The following GRAMD1A variants were observed in gnomAD, a reference collection of about 807,000 sequenced individuals.
GRAMD1A encodes the protein GRAM domain containing 1A, also known as protein Aster-A.
In GRAMD1A, 50 loss-of-function variants were observed where a neutral mutation model predicts 92.0. That is an observed-to-expected ratio of 0.54 (90% CI 0.43 to 0.69). GRAMD1A has a LOEUF of 0.69. Among genes scored for constraint, GRAMD1A ranks in the 30% least tolerant of loss-of-function variants. GRAMD1A has a pLI of 0.00. For synonymous variants in GRAMD1A, 405 were observed against 403.6 expected, an observed-to-expected ratio of 1.00 and a Z score of -0.04; for missense variants, 819 against 978.9, an observed-to-expected ratio of 0.84 and a Z score of 2.18.
chr19:35,015,926 C>T lies in GRAMD1A; in HGVS notation c.1172C>T (p.Ser391Leu), dbSNP rs768529688. Residue 391 changes from serine (S) to leucine (L), a missense_variant, in exon 11 of 20, where the codon TCG (serine) becomes TTG (leucine). Transcript: ENST00000317991. ...CTCCAGCAGATGCTCTTCTCGGACT[C>T]GCCCTTCCTCCAGGGCTTCCTACAG... is the stretch of plus-strand genomic sequence containing the variant. ...ERLQQMLFSDSPFLQGFLQQC... is the reference protein window; with the variant it reads ...ERLQQMLFSDLPFLQGFLQQC... 38 of 1,613,990 alleles carry T rather than the reference C, an allele frequency of 2.4e-5. No homozygotes were observed. Among genetic ancestry groups the T allele is most frequent in the African/African-American group, 5.3e-5 (4 of 74,932 alleles).
chr19:35,002,220 C>T (rs1355794580), intron 1 of GRAMD1A, among the ~76,000 whole-genome samples: 2 of 151,986 alleles, frequency 1.3e-5, no homozygotes, highest in Admixed American at 6.6e-5. Flanking sequence ...TGACGTTGTC[C>T]ACCTGTTACA....
intron 10 of GRAMD1A, chr19:35,014,693 A>G (rs2015498376): frequency 2.3e-6 from 1 of 430,862 alleles, no homozygotes. Context: ...AAATGGGGTT[A>G]ACAATGATAA....
chr19:35,009,540 T>C, intron 3 of GRAMD1A, 97 bp downstream of exon 3: 1 of 1,265,124 alleles, frequency 7.9e-7, no homozygotes. Context: ...CGTGCTGAGA[T>C]GGAGTGGGTG....
upstream of GRAMD1A, chr19:34,995,937 G>C: frequency 8.5e-7 from 1 of 1,182,000 alleles, no homozygotes; most frequent in East Asian, 2.6e-5. Flanking sequence ...ACGGGGGAAG[G>C]TGGTAAGGGG....
In GRAMD1A at chr19:35,000,632, G is replaced by C; in HGVS notation, c.8+146G>C. ...ACATGGCTCTGGCCGGGGCGATCGG[G>C]GTGGGGGCGGGGCAGGGGGCCCCCG... On this transcript the variant is annotated intron_variant, in intron 1 of 19. Transcript: ENST00000317991. The surrounding 1 kb of genome is among the most constrained non-coding windows in gnomAD (Gnocchi z 4.9). The C allele has an allele frequency of 2.0e-6, 1 of 500,770 alleles. No individual in the cohort carries two copies. Among genetic ancestry groups the C allele is most frequent in the Non-Finnish European group, 3.0e-6 (1 of 336,334 alleles). The allele number at this position is 500,770 out of a possible 1,614,324, so 31.0% of individuals were successfully genotyped here.
Position 35,023,481 on chromosome 19 carries a change from A to C in GRAMD1A, c.2016A>C (p.Gln672His), listed in dbSNP as rs765868120. The change falls in exon 19 of 20, where the codon CAA becomes CAC. Residue 672 changes from glutamine to histidine, a missense_variant. By Grantham distance (24) the Gln-to-His change is conservative. Coordinates refer to ENST00000317991, the MANE Select transcript of GRAMD1A (RefSeq NM_020895.5). ...CCGAGATCCTGGCGCTGCAGAAGCA[A>C]TTCCACAGCGTGGAGGTGCACAAGT... ...EWAEILALQK[Q>H]FHSVEVHKWR... is the part of the protein sequence containing the mutation. 14 of 1,587,870 alleles carry C rather than the reference A, an allele frequency of 8.8e-6. No homozygotes were observed. In the South Asian group the frequency reaches 1.6e-4, roughly 18 times the overall value.
Position 35,009,602 on chromosome 19 carries a change from G to A in GRAMD1A, c.240+159G>A, listed in dbSNP as rs966700453. ...TTATTTATGTGCTGTGTGACCTTGG[G>A]TGAGTTACTTAACCTCTCTGGGCCT... On this transcript the variant is annotated intron_variant, in intron 3 of 19. Coordinates refer to ENST00000317991, the MANE Select transcript of GRAMD1A (RefSeq NM_020895.5). 12 of 787,414 alleles carry A rather than the reference G, an allele frequency of 1.5e-5. No individual in the cohort carries two copies. In the Admixed American group the frequency reaches 2.0e-4, roughly 13 times the overall value. 48.8% of individuals were successfully genotyped at this position (787,414 alleles called of 1,614,324 possible).
intron 9 of GRAMD1A, 126 bp from the exon 10 acceptor site, chr19:35,014,061 CGT>C (rs1163842404): frequency 1.2e-6 from 1 of 863,680 alleles, no homozygotes; most frequent in Non-Finnish European, 1.9e-6. Context: ...GCAGCTCAGC[CGT>C]GAGCCCTCGG....
chr19:35,006,278 T>G (rs2014807691), intron 1 of GRAMD1A, among the ~76,000 whole-genome samples: 1 of 152,096 alleles, frequency 6.6e-6, no homozygotes, highest in Non-Finnish European at 1.5e-5. Context: ...GCTGAGATAG[T>G]GCCACTGCAC....
chr19:35,020,342 C>T (rs1207097039), intron 13 of GRAMD1A, among the ~76,000 whole-genome samples: 1 of 152,146 alleles, frequency 6.6e-6, no homozygotes, highest in Non-Finnish European at 1.5e-5. Context: ...GGTTCGAGAC[C>T]AGCCTGGCCA....
At chr19:35,025,955 C>A in intron 19 of GRAMD1A, 94 bp from the exon 20 acceptor site, 2 of 749,296 alleles carry the variant, frequency 2.7e-6, no homozygotes, top group Admixed American at 1.8e-5. Context: ...GCCTCTAGAC[C>A]GTCCTCAGTT....
Position 35,014,196 on chromosome 19 carries a change from A to G in GRAMD1A, c.878A>G (p.Glu293Gly). The G allele has an allele frequency of 6.2e-7, 1 of 1,613,190 alleles. No individual in the cohort carries two copies. Among genetic ancestry groups the G allele is most frequent in the South Asian group, 1.1e-5 (1 of 91,044 alleles). Residue 293 changes from glutamate to glycine, a missense_variant, in exon 10 of 20, where the codon GAG (glutamate) becomes GGG (glycine). Physicochemically the swap from Glu to Gly is moderately conservative, Grantham distance 98. This residue lies in a region of GRAMD1A where 577 missense variants were observed against 674.6 expected (regional missense o/e 0.86). Transcript: ENST00000317991. ...TCGGGCCTTTCTCCACAGGCAGAGGAGGACAAGGAGGAGCAGGTAGACAGC... is the reference window on the plus strand; with the variant it reads ...TCGGGCCTTTCTCCACAGGCAGAGGGGGACAAGGAGGAGCAGGTAGACAGC... ...ASSDADHGAE[E>G]DKEEQVDSQP...
At chr19:34,994,766 C>T (rs1035733669), upstream of GRAMD1A, 4 of 152,300 alleles carry the variant, frequency 2.6e-5, no homozygotes, top group Admixed American at 2.0e-4. Flanking sequence ...AGTGCCTGGT[C>T]TACCGCCCTT....
chr19:35,019,155 G>T, intron 11 of GRAMD1A, 36 bp from the exon 12 acceptor site: 2 of 1,389,176 alleles, frequency 1.4e-6, no homozygotes, highest in Non-Finnish European at 2.0e-6. Context: ...AAAGGACTGG[G>T]GTGTGGCCTC....
At chr19:35,016,904 C>CAA (rs553636601) in intron 11 of GRAMD1A, among the ~76,000 whole-genome samples, 2,971 of 68,308 alleles carry the variant, frequency 0.043, 184 homozygotes, top group African/African-American at 0.14. Context: ...GACTCTGTCT[C>CAA]AAAAAAAAAA....
At chr19:35,010,499 C>T in intron 6 of GRAMD1A, 120 bp downstream of exon 6, 1 of 704,518 alleles carries the variant, frequency 1.4e-6, no homozygotes, top group Non-Finnish European at 2.5e-6. Flanking sequence ...CCCCTTCTCT[C>T]TGTTCTCCCG....
intron 6 of GRAMD1A, 128 bp from the exon 7 acceptor site, chr19:35,011,346 A>G: frequency 5.2e-6 from 4 of 776,584 alleles, no homozygotes; most frequent in African/African-American, 1.7e-5. Context: ...GAACTAATGC[A>G]GGGGTGAATT....
upstream of GRAMD1A, among the ~76,000 whole-genome samples, chr19:34,996,589 C>T (rs1452180176): frequency 6.6e-6 from 1 of 152,180 alleles, no homozygotes; most frequent in Non-Finnish European, 1.5e-5. Context: ...GGTGGATCAC[C>T]TGAGGTCGAC....
chr19:35,000,366 A>T lies in GRAMD1A; in HGVS notation c.-113A>T. The T allele has an allele frequency of 1.8e-6, 2 of 1,112,702 alleles. No homozygotes were observed. Among genetic ancestry groups the T allele is most frequent in the South Asian group, 8.6e-5 (2 of 23,210 alleles). 68.9% of individuals were successfully genotyped at this position (1,112,702 alleles called of 1,614,324 possible). ...GGTCGGGTGGGGGCGGCGGCCGCGG[A>T]AGGCCAGGCCGGTGCCCTGCGGGGA... On this transcript the variant is annotated 5_prime_UTR_variant, in exon 1 of 20. Coordinates refer to ENST00000317991, the MANE Select transcript of GRAMD1A (RefSeq NM_020895.5). This position sits in a 1 kb window ranked among gnomAD's most constrained non-coding sequence, Gnocchi z 4.9.
Sources: allele counts gnomAD v4.1 joint callset (sites outside exome capture counted in the v4.1 genomes callset), GRCh38; gene constraint gnomAD v4.1.1; regional missense constraint gnomAD v4.1.1; non-coding constraint Gnocchi (gnomAD v3.1); transcripts MANE v1.5; gene names NCBI Gene and HGNC (gene_info 2026-07-23, HGNC 2026-07-21).